Variants in PTPRD observed in about 807,000 individuals in gnomAD.
The protein encoded by PTPRD is protein tyrosine phosphatase receptor type D, also known as receptor-type tyrosine-protein phosphatase delta.
A neutral mutation model predicts 214.5 loss-of-function variants in PTPRD; 34 were observed. The ratio of observed to expected loss-of-function variants is 0.16; its 90% confidence interval spans 0.12 to 0.21. The LOEUF (loss-of-function observed/expected upper bound fraction) is 0.21, where lower values mean the gene tolerates loss of function less well. Among genes scored for constraint, PTPRD ranks in the 10% least tolerant of loss-of-function variants. The pLI is 1.00. For synonymous variants in PTPRD, 1,128 were observed against 845.7 expected (o/e 1.33, Z -5.79); for missense variants, 2,545 against 2,398.7 (o/e 1.06, Z -1.27).
At chr9:9,902,210 CATGA>C (rs143874184) in intron 5 of PTPRD, among the ~76,000 whole-genome samples, 12,938 of 152,166 alleles carry the variant, frequency 0.085, 809 homozygotes, top group African/African-American at 0.17. Context: ...AGCGCCCATG[CATGA>C]ATGTCTGTGC....
intron 10 of PTPRD, among the ~76,000 whole-genome samples, chr9:9,164,720 A>G (rs534624259): frequency 6.6e-6 from 1 of 152,142 alleles, no homozygotes; most frequent in Admixed American, 6.6e-5. Flanking sequence ...TTTTTTAAAA[A>G]ATTTCTCCAA....
chr9:9,317,060 C>G (rs1963620638), intron 9 of PTPRD, among the ~76,000 whole-genome samples: 1 of 152,122 alleles, frequency 6.6e-6, no homozygotes, highest in South Asian at 2.1e-4. Flanking sequence ...ATATACTGAT[C>G]TAGAAGCTTG....
At chr9:9,235,246 G>C (rs2134037462) in intron 9 of PTPRD, among the ~76,000 whole-genome samples, 1 of 152,206 alleles carries the variant, frequency 6.6e-6, no homozygotes, top group Non-Finnish European at 1.5e-5. Flanking sequence ...GGGGTAATCA[G>C]CTCCATGATT....
At chr9:10,031,427 AG>A (rs1267077423) in intron 4 of PTPRD, among the ~76,000 whole-genome samples, 1 of 151,516 alleles carries the variant, frequency 6.6e-6, no homozygotes, top group Non-Finnish European at 1.5e-5. Context: ...TAAAGCAGGC[AG>A]AAAAATGTGA....
rs574546892 is a variant in PTPRD, at chr9:9,293,938, T to C, written c.-203+103511A>G. Reference sequence around the variant, plus strand: ...AAACCTAAAGGAATCACTTAATAGTTTTCATTTGGCATATTCAAATGGCCA... The same window carrying C: ...AAACCTAAAGGAATCACTTAATAGTCTTCATTTGGCATATTCAAATGGCCA... On this transcript the variant is annotated intron_variant, in intron 9 of 45. Coordinates refer to ENST00000381196, the MANE Select transcript of PTPRD (RefSeq NM_002839.4). Among the ~76,000 whole-genome samples, 6 of 151,758 alleles carry C rather than the reference T, an allele frequency of 4.0e-5. No individual in the cohort carries two copies. In the East Asian group the frequency reaches 9.8e-4, roughly 25 times the overall value.
chr9:9,945,644 A>G (rs1055684970), intron 4 of PTPRD, among the ~76,000 whole-genome samples: 1 of 152,168 alleles, frequency 6.6e-6, no homozygotes, highest in East Asian at 1.9e-4. Flanking sequence ...GTGCTCTAGT[A>G]AAATTGGAGG....
intron 3 of PTPRD, among the ~76,000 whole-genome samples, chr9:10,118,348 T>C (rs291298): frequency 0.36 from 54,464 of 151,190 alleles, 12,611 homozygotes; most frequent in Middle Eastern, 0.53. Context: ...TGTACATATC[T>C]TTTTGGCAAT....
At chr9:8,615,604 A>C (rs1267516445) in intron 14 of PTPRD, among the ~76,000 whole-genome samples, 1 of 152,130 alleles carries the variant, frequency 6.6e-6, no homozygotes, top group Admixed American at 6.6e-5. Flanking sequence ...ATGTCTAATA[A>C]GAACAAAACC....
intron 9 of PTPRD, among the ~76,000 whole-genome samples, chr9:9,194,345 A>G (rs2099936995): frequency 6.6e-6 from 1 of 152,232 alleles, no homozygotes; most frequent in Admixed American, 6.5e-5. Context: ...AGCATAGTTA[A>G]TACATAAACT....
In PTPRD at chr9:8,674,379, A is replaced by C. The variant is rs1596594518; in HGVS notation, c.65-37535T>G. On this transcript the variant is annotated intron_variant, in intron 12 of 45. Coordinates refer to ENST00000381196, the MANE Select transcript of PTPRD (RefSeq NM_002839.4). ...AGACTGAGGCAGGAGAATTGCTTGAACCCAGGAGGCGGAGGTTGCAGTGAG... is the reference window on the plus strand; with the variant it reads ...AGACTGAGGCAGGAGAATTGCTTGACCCCAGGAGGCGGAGGTTGCAGTGAG... Among the ~76,000 whole-genome samples the C allele has an allele frequency of 2.9e-5, 4 of 140,032 alleles. No individual in the cohort carries two copies. In the Admixed American group the frequency reaches 3.2e-4, roughly 11 times the overall value. The allele number at this position is 140,032 out of a possible 152,430, so 91.9% of individuals were successfully genotyped here.
At chr9:8,947,352 A>T (rs2099071867) in intron 11 of PTPRD, among the ~76,000 whole-genome samples, 1 of 151,068 alleles carries the variant, frequency 6.6e-6, no homozygotes, top group African/African-American at 2.4e-5. Flanking sequence ...AGTCCCAGCT[A>T]TTCGGGAGAC....
At chr9:9,996,748 A>C (rs573479753) in intron 4 of PTPRD, among the ~76,000 whole-genome samples, 5 of 152,358 alleles carry the variant, frequency 3.3e-5, no homozygotes. Flanking sequence ...AAGTGATTTC[A>C]GTGGCTTCAT....
chr9:9,309,130 A>AGAT (rs1441819241), intron 9 of PTPRD, among the ~76,000 whole-genome samples: 15 of 152,136 alleles, frequency 9.9e-5, no homozygotes, highest in Admixed American at 9.8e-4. Context: ...CCTTCAAAAA[A>AGAT]GATATTATTT....
intron 14 of PTPRD, among the ~76,000 whole-genome samples, chr9:8,591,070 G>A (rs191347290): frequency 2.0e-5 from 3 of 152,084 alleles, no homozygotes; most frequent in Admixed American, 1.3e-4. Flanking sequence ...GGCCAGCTGA[G>A]TCTTTCTCAT....
intron 2 of PTPRD, among the ~76,000 whole-genome samples, chr9:10,430,529 T>C (rs1267982946): frequency 2.0e-5 from 3 of 151,932 alleles, no homozygotes; most frequent in African/African-American, 7.2e-5. Flanking sequence ...ATAAGGCATA[T>C]AATTATATGT....
intron 2 of PTPRD, among the ~76,000 whole-genome samples, chr9:10,373,865 C>T (rs993791308): frequency 5.3e-5 from 8 of 152,076 alleles, no homozygotes; most frequent in Admixed American, 1.3e-4. Flanking sequence ...AAACTACACT[C>T]TTCATTTTAC....
At chr9:8,363,047 A>T (rs150635360) in intron 39 of PTPRD, among the ~76,000 whole-genome samples, 1 of 152,256 alleles carries the variant, frequency 6.6e-6, no homozygotes, top group African/African-American at 2.4e-5. Flanking sequence ...GAAGTATTTG[A>T]TTTTTACTAG....
At chr9:9,158,194 A>G (rs1272644303) in intron 10 of PTPRD, among the ~76,000 whole-genome samples, 2 of 152,260 alleles carry the variant, frequency 1.3e-5, no homozygotes, top group African/African-American at 2.4e-5. Context: ...TATCTTTATA[A>G]CAGAATTATT....
At chr9:8,360,409 T>C (rs757282011) in intron 39 of PTPRD, among the ~76,000 whole-genome samples, 12 of 152,236 alleles carry the variant, frequency 7.9e-5, no homozygotes, top group Non-Finnish European at 1.5e-4. Context: ...GAATCTAATA[T>C]ACAGTTATGC....
Sources: allele counts gnomAD v4.1 joint callset (sites outside exome capture counted in the v4.1 genomes callset), GRCh38; gene constraint gnomAD v4.1.1; transcripts MANE v1.5; gene names NCBI Gene and HGNC (gene_info 2026-07-23, HGNC 2026-07-21).